The following NOL7 variants were observed in gnomAD, a reference collection of about 807,000 sequenced individuals.
The protein encoded by NOL7 is nucleolar protein 7, also known as U3 small nucleolar RNA-associated protein NOL7.
A neutral mutation model predicts 38.4 loss-of-function variants in NOL7; 36 were observed. The ratio of observed to expected loss-of-function variants is 0.94; its 90% confidence interval spans 0.72 to 1.24. NOL7 has a LOEUF of 1.24. Among genes scored for constraint, NOL7 ranks in the 50% most tolerant of loss-of-function variants. The probability of loss-of-function intolerance (pLI) is 0.00; values close to 1 mark genes in which losing one functional copy is unlikely to be tolerated. For synonymous variants in NOL7, 142 were observed against 126.5 expected (o/e 1.12, Z -0.82); for missense variants, 350 against 315.1 (o/e 1.11, Z -0.84).
downstream of NOL7, among the ~76,000 whole-genome samples, chr6:13,624,284 C>T (rs1764537672): frequency 6.6e-6 from 1 of 152,168 alleles, no homozygotes; most frequent in African/African-American, 2.4e-5. Context: ...TCATTGCTTC[C>T]TTTACATTCT....
At chr6:13,625,808 C>G, downstream of NOL7, 1 of 1,330,478 alleles carries the variant, frequency 7.5e-7, no homozygotes, top group South Asian at 1.2e-5. Context: ...AATAGTTCAA[C>G]TATTATGCTC....
chr6:13,632,118 C>CTTTTTTTT (rs752500098), intron 8 of NOL7, among the ~76,000 whole-genome samples: 2 of 74,922 alleles, frequency 2.7e-5, no homozygotes, highest in African/African-American at 4.8e-5. Flanking sequence ...GGATTTAATC[C>CTTTTTTTT]TTTTTTTTTT....
At chr6:13,616,650 A>C in intron 3 of NOL7, 129 bp downstream of exon 3, 2 of 609,366 alleles carry the variant, frequency 3.3e-6, no homozygotes, top group Non-Finnish European at 5.6e-6. Context: ...ACCTTGGTAT[A>C]TGAATTTGAT....
chr6:13,620,723 T>G (rs765139400), intron 7 of NOL7, 31 bp from the exon 8 acceptor site: 4 of 1,419,696 alleles, frequency 2.8e-6, no homozygotes, highest in Admixed American at 2.1e-5. Context: ...GTTTTTCTAA[T>G]ATACTTACTG....
intron 5 of NOL7, among the ~76,000 whole-genome samples, chr6:13,618,912 A>C (rs1165609081): frequency 6.6e-6 from 1 of 152,194 alleles, no homozygotes; most frequent in Non-Finnish European, 1.5e-5. Context: ...CGGTTTTCAT[A>C]AAAAAATAAA....
At chr6:13,623,892 T>G (rs1222804864), downstream of NOL7, among the ~76,000 whole-genome samples, 1 of 152,200 alleles carries the variant, frequency 6.6e-6, no homozygotes, top group African/African-American at 2.4e-5. Context: ...GCTCAACAAT[T>G]AAATTCCCTT....
chr6:13,618,120 CA>C lies in NOL7; in HGVS notation c.486del (p.Val163TyrfsTer13). 2 of 1,589,762 alleles carry C rather than the reference CA, an allele frequency of 1.3e-6. No individual in the cohort carries two copies. The highest frequency in any genetic ancestry group is 1.7e-6 in the Non-Finnish European group (2 of 1,159,776). ...KGNDSKKVKV[Q>X]KVQSVSQNKS... is the part of the protein sequence containing the mutation. Reference sequence around the variant, plus strand: ...AAATGACTCCAAGAAAGTTAAAGTACAAAAAGTACAGTCTGTCAGGTAATGA... The same window carrying C: ...AAATGACTCCAAGAAAGTTAAAGTACAAAAGTACAGTCTGTCAGGTAATGA... On this transcript the variant is annotated frameshift_variant, in exon 5 of 8. Transcript: ENST00000451315. LOFTEE classifies it high-confidence loss of function.
At chr6:13,625,080 C>A (rs1018654555), downstream of NOL7, among the ~76,000 whole-genome samples, 66 of 152,328 alleles carry the variant, frequency 4.3e-4, no homozygotes, top group African/African-American at 1.4e-3. Flanking sequence ...GCTCTTCACT[C>A]CCTTACTTCC....
intron 8 of NOL7, among the ~76,000 whole-genome samples, chr6:13,628,320 C>T (rs1242377409): frequency 1.3e-5 from 2 of 152,156 alleles, no homozygotes; most frequent in African/African-American, 4.8e-5. Flanking sequence ...CTAGTCACTG[C>T]TTCAAGAAAA....
intron 8 of NOL7, among the ~76,000 whole-genome samples, chr6:13,628,440 TAGGAGCTA>T (rs965658665): frequency 6.6e-6 from 1 of 152,206 alleles, no homozygotes; most frequent in African/African-American, 2.4e-5. Context: ...GGGTAGGGGT[TAGGAGCTA>T]AAATACCCCA....
chr6:13,626,722 A>G (rs1764616336), intron 8 of NOL7, among the ~76,000 whole-genome samples: 1 of 152,082 alleles, frequency 6.6e-6, no homozygotes, highest in Admixed American at 6.5e-5. Context: ...GTTCAGGAAC[A>G]CAACACTTTG....
At chr6:13,626,480 A>AT (rs1764607906), downstream of NOL7, among the ~76,000 whole-genome samples, 1 of 152,238 alleles carries the variant, frequency 6.6e-6, no homozygotes, top group Non-Finnish European at 1.5e-5. Context: ...TCATTACTGC[A>AT]TAATGGGGAC....
chr6:13,617,270 C>G (rs552452143), intron 3 of NOL7, among the ~76,000 whole-genome samples: 2 of 149,576 alleles, frequency 1.3e-5, no homozygotes, highest in Non-Finnish European at 2.9e-5. Context: ...CCATCACTTC[C>G]GCTTTTGTGT....
At chr6:13,622,387 G>A (rs767551564), downstream of NOL7, 1 of 1,595,190 alleles carries the variant, frequency 6.3e-7, no homozygotes, top group Admixed American at 1.8e-5. Context: ...TTCCACTGTG[G>A]CAAATGCGCA....
intron 2 of NOL7, 121 bp downstream of exon 2, chr6:13,615,893 T>G: frequency 9.8e-7 from 1 of 1,019,606 alleles, no homozygotes; most frequent in Non-Finnish European, 1.4e-6. Flanking sequence ...AGATTGCCTC[T>G]GACAGTGGTG....
chr6:13,615,644 G>A lies in NOL7; in HGVS notation c.266+20G>A, dbSNP rs1332620464. ...GCGCAGGTTCGGAGCCCGCTGCCCG[G>A]CGGGGAGAACCGCCCTTTCTCGTCC... is the stretch of plus-strand genomic sequence containing the variant. On this transcript the variant is annotated intron_variant, in intron 1 of 7. Transcript: ENST00000451315. The A allele has an allele frequency of 6.2e-7, 1 of 1,610,978 alleles. No individual in the cohort carries two copies. The highest frequency in any genetic ancestry group is 1.1e-5 in the South Asian group (1 of 90,644).
At chr6:13,624,388 G>C (rs544267366), downstream of NOL7, among the ~76,000 whole-genome samples, 1 of 152,136 alleles carries the variant, frequency 6.6e-6, no homozygotes, top group Admixed American at 6.5e-5. Context: ...TCCTAAACTA[G>C]TTTGAAATAT....
downstream of NOL7, among the ~76,000 whole-genome samples, chr6:13,624,074 G>A (rs1764532996): frequency 6.6e-6 from 1 of 152,144 alleles, no homozygotes. Context: ...TACCAACGGA[G>A]CTAAATGAAT....
In NOL7 at chr6:13,627,098, T is replaced by G. The variant is rs140834205; in HGVS notation, n.574-5295T>G. On this transcript the variant is annotated intron_variant and non_coding_transcript_variant, in intron 8 of 8. Transcript: ENST00000474485. ...AATTACAATAGAAGTTCTTTGAAGA[T>G]AAAAATTATTTACTATACTATTTTG... Among the ~76,000 whole-genome samples, 578 of 152,316 alleles carry G rather than the reference T, an allele frequency of 3.8e-3. 3 individuals carry two copies. Among genetic ancestry groups the G allele is most frequent in the African/African-American group, 0.013 (550 of 41,562 alleles).
Sources: gnomAD v4.1 joint callset for allele counts (sites outside exome capture counted in the v4.1 genomes callset) on GRCh38, gnomAD v4.1.1 for gene constraint, MANE v1.5 for transcripts, NCBI Gene and HGNC (gene_info 2026-07-23, HGNC 2026-07-21) for gene names.